CSGALNACT2: variants seen among roughly 807,000 people sequenced by gnomAD.
CSGALNACT2 encodes chondroitin sulfate N-acetylgalactosaminyltransferase 2.
CSGALNACT2 carries 35 observed loss-of-function variants against 55.3 expected under a neutral mutation model. The observed-to-expected ratio is 0.63, with a 90% CI of 0.48 to 0.84. CSGALNACT2 has a LOEUF of 0.84. Ranked by LOEUF, CSGALNACT2 falls within the 40% of genes least tolerant of loss-of-function variation. CSGALNACT2 has a pLI of 0.00. For synonymous variants in CSGALNACT2, 196 were observed against 224.9 expected, an observed-to-expected ratio of 0.87 and a Z score of 1.15; for missense variants, 544 against 657.5, an observed-to-expected ratio of 0.83 and a Z score of 1.89.
intron 2 of CSGALNACT2, among the ~76,000 whole-genome samples, chr10:43,156,871 C>T (rs961760128): frequency 6.6e-6 from 1 of 152,236 alleles, no homozygotes; most frequent in Admixed American, 6.5e-5. Context: ...AAACAGGCCA[C>T]GGACCAGTAG....
rs12264427 is a variant in CSGALNACT2, at chr10:43,141,379, G to A, written c.-254+2812G>A. ...ACTACAGGCGCCCGCCACCATGCCC[G>A]GCTAATTTTTGTATTTTTAGTAGAG... is the stretch of plus-strand genomic sequence containing the variant. On this transcript the variant is annotated intron_variant, in intron 1 of 7. Coordinates refer to ENST00000374466, the MANE Select transcript of CSGALNACT2 (RefSeq NM_018590.5). 8.0e-3 allele frequency among the ~76,000 whole-genome samples: 1,060 copies of A among 133,092 alleles called. 17 individuals are homozygous for A. The highest frequency in any genetic ancestry group is 0.029 in the African/African-American group (1,002 of 34,026). The allele number at this position is 133,092 out of a possible 152,430, so 87.3% of individuals were successfully genotyped here.
At chr10:43,154,229 G>C (rs557742546) in intron 1 of CSGALNACT2, among the ~76,000 whole-genome samples, 1 of 152,290 alleles carries the variant, frequency 6.6e-6, no homozygotes, top group East Asian at 1.9e-4. Flanking sequence ...ATGGTCATAA[G>C]CTTTAGTTGG....
intron 4 of CSGALNACT2, among the ~76,000 whole-genome samples, chr10:43,162,035 T>C (rs1049363572): frequency 6.6e-6 from 1 of 152,170 alleles, no homozygotes; most frequent in Non-Finnish European, 1.5e-5. Flanking sequence ...TTGAAGAATC[T>C]CGGATACCTC....
At chr10:43,175,508 G>A (rs1839461327) in intron 6 of CSGALNACT2, among the ~76,000 whole-genome samples, 1 of 152,076 alleles carries the variant, frequency 6.6e-6, no homozygotes, top group Non-Finnish European at 1.5e-5. Flanking sequence ...GAGACTCATG[G>A]CCCACTCCGA....
intron 1 of CSGALNACT2, among the ~76,000 whole-genome samples, chr10:43,150,457 T>G (rs1838853007): frequency 6.6e-6 from 1 of 152,242 alleles, no homozygotes. Context: ...GTAGAGAAAG[T>G]ATTTTGCCTT....
At chr10:43,173,837 AC>A (rs1171248372) in intron 6 of CSGALNACT2, among the ~76,000 whole-genome samples, 1 of 152,006 alleles carries the variant, frequency 6.6e-6, no homozygotes, top group African/African-American at 2.4e-5. Context: ...TACTATAAAT[AC>A]CAAAATTAGC....
Position 43,166,940 on chromosome 10 carries a change from T to C in CSGALNACT2, c.1160-64T>C, listed in dbSNP as rs542069008. 40 of 906,322 alleles carry C rather than the reference T, an allele frequency of 4.4e-5. 1 individual carries two copies. The South Asian group carries it at 4.9e-4, about 11-fold the overall frequency. The allele number at this position is 906,322 out of a possible 1,614,324, so 56.1% of individuals were successfully genotyped here. A position where few individuals can be genotyped will look rare whatever the true frequency, so the allele number is the denominator to read the frequency against. On this transcript the variant is annotated intron_variant, in intron 5 of 7. Transcript: ENST00000374466. ...AGACTTTGATAAAACTTAATAGATA[T>C]TGCAATAAAGAACAGTTCTTCATAA...
chr10:43,177,044 C>A (rs1238592454), intron 7 of CSGALNACT2, among the ~76,000 whole-genome samples: 1 of 152,098 alleles, frequency 6.6e-6, no homozygotes, highest in African/African-American at 2.4e-5. Context: ...GTTTTTATAA[C>A]CAGCCTTTTG....
At chr10:43,180,595 A>G (rs1351310058) in intron 7 of CSGALNACT2, among the ~76,000 whole-genome samples, 3 of 152,142 alleles carry the variant, frequency 2.0e-5, no homozygotes, top group Non-Finnish European at 4.4e-5. Context: ...CTGTATCTGA[A>G]TCTGGATCTG....
chr10:43,161,976 A>G (rs747396478), intron 4 of CSGALNACT2, among the ~76,000 whole-genome samples: 1 of 152,244 alleles, frequency 6.6e-6, no homozygotes, highest in Non-Finnish European at 1.5e-5. Flanking sequence ...CTTCTGTGGC[A>G]AATGGTGTAA....
chr10:43,166,742 C>T (rs900681771), intron 5 of CSGALNACT2, among the ~76,000 whole-genome samples: 28 of 152,198 alleles, frequency 1.8e-4, no homozygotes, highest in African/African-American at 6.0e-4. Flanking sequence ...GAATACACAT[C>T]TCCCCAAAGT....
chr10:43,176,017 G>C lies in CSGALNACT2; in HGVS notation c.1321G>C (p.Asp441His). The C allele has an allele frequency of 2.5e-6, 4 of 1,608,814 alleles. No individual in the cohort carries two copies. Among genetic ancestry groups the C allele is most frequent in the Non-Finnish European group, 3.4e-6 (4 of 1,178,350 alleles). Residue 441 changes from aspartate (D) to histidine (H), a missense_variant, in exon 7 of 8, where the codon GAT (aspartate) becomes CAT (histidine). By Grantham distance (81) the Asp-to-His change is moderately conservative (BLOSUM62 -1). Coordinates refer to ENST00000374466, the MANE Select transcript of CSGALNACT2 (RefSeq NM_018590.5). ...TGGAATGACTTGTCAGTATCGTTCA[G>C]ATTTCCTGACCATTGGTAAGTATAC... Reference protein sequence around the residue: ...GFGMTCQYRSDFLTIGGFDME... With the variant: ...GFGMTCQYRSHFLTIGGFDME...
At chr10:43,167,721 G>A (rs531433916) in intron 6 of CSGALNACT2, among the ~76,000 whole-genome samples, 1 of 152,074 alleles carries the variant, frequency 6.6e-6, no homozygotes, top group African/African-American at 2.4e-5. Context: ...ATATTGGTAA[G>A]TTACTGCTAA....
At chr10:43,140,879 C>G (rs1393627771) in intron 1 of CSGALNACT2, among the ~76,000 whole-genome samples, 1 of 152,212 alleles carries the variant, frequency 6.6e-6, no homozygotes, top group Non-Finnish European at 1.5e-5. Flanking sequence ...AATCACTAAA[C>G]ATTTGTGGGA....
intron 4 of CSGALNACT2, 67 bp from the exon 5 acceptor site, chr10:43,163,799 T>A (rs1260951657): frequency 6.6e-7 from 1 of 1,505,280 alleles, no homozygotes. Context: ...TTGTAAGCTG[T>A]GTTGAAGGAA....
At chr10:43,178,379 T>C (rs1839520953) in intron 7 of CSGALNACT2, among the ~76,000 whole-genome samples, 1 of 152,170 alleles carries the variant, frequency 6.6e-6, no homozygotes, top group South Asian at 2.1e-4. Context: ...TCCCAGCACT[T>C]TGGGAGGCCG....
chr10:43,139,772 G>A (rs561101771), intron 1 of CSGALNACT2, among the ~76,000 whole-genome samples: 1 of 152,300 alleles, frequency 6.6e-6, no homozygotes, highest in African/African-American at 2.4e-5. Flanking sequence ...TATTGTTTGT[G>A]GGACACACCC....
intron 6 of CSGALNACT2, among the ~76,000 whole-genome samples, chr10:43,170,869 A>G (rs1319920516): frequency 6.6e-6 from 1 of 152,236 alleles, no homozygotes; most frequent in African/African-American, 2.4e-5. Flanking sequence ...CAGGAAAGTC[A>G]CAGGGAAAGC....
In CSGALNACT2 at chr10:43,167,069, G is replaced by A. The variant is rs779311559; in HGVS notation, c.1225G>A (p.Glu409Lys). Residue 409 changes from glutamate (E) to lysine (K), a missense_variant, in exon 6 of 8, where the codon GAA becomes AAA. Physicochemically the swap from Glu to Lys is moderately conservative, Grantham distance 56. This residue lies in a region of CSGALNACT2 where 170 missense variants were observed against 256.2 expected (regional missense o/e 0.66). Coordinates refer to ENST00000374466, the MANE Select transcript of CSGALNACT2 (RefSeq NM_018590.5). ...TCCTGCCATTGTTTATGCCAACCAG[G>A]AAGTGCCACCACCTGTGGAGCAGCA... ...YNPAIVYANQEVPPPVEQQLV... is the reference protein window; with the variant it reads ...YNPAIVYANQKVPPPVEQQLV... The A allele has an allele frequency of 6.2e-7, 1 of 1,612,628 alleles. No homozygotes were observed. The highest frequency in any genetic ancestry group is 8.5e-7 in the Non-Finnish European group (1 of 1,178,726).
Sources: gnomAD v4.1 joint callset for allele counts (sites outside exome capture counted in the v4.1 genomes callset) on GRCh38, gnomAD v4.1.1 for gene constraint, gnomAD v4.1.1 regional missense constraint, MANE v1.5 for transcripts, NCBI Gene and HGNC (gene_info 2026-07-23, HGNC 2026-07-21) for gene names.